The following MYRIP variants were observed in gnomAD, a reference collection of about 807,000 sequenced individuals.
The protein encoded by MYRIP is rab effector MyRIP.
Under a neutral mutation model 98.0 loss-of-function variants are expected in MYRIP, and 49 were observed. That is an observed-to-expected ratio of 0.50 (90% CI 0.40 to 0.63). The LOEUF is 0.63. MYRIP is among the 30% of genes least tolerant of loss of function. The probability of loss-of-function intolerance (pLI) is 0.00; values close to 1 mark genes in which losing one functional copy is unlikely to be tolerated. For synonymous variants in MYRIP, 404 were observed against 409.5 expected, an observed-to-expected ratio of 0.99 and a Z score of 0.16; for missense variants, 1,004 against 1,058.2, an observed-to-expected ratio of 0.95 and a Z score of 0.71.
chr3:40,026,059 G>T (rs1947119786), intron 2 of MYRIP, among the ~76,000 whole-genome samples: 1 of 152,032 alleles, frequency 6.6e-6, no homozygotes, highest in African/African-American at 2.4e-5. Context: ...AAACCTGACG[G>T]TAATGCAGGA....
intron 2 of MYRIP, among the ~76,000 whole-genome samples, chr3:39,934,721 G>C (rs1028539566): frequency 2.0e-5 from 3 of 152,290 alleles, no homozygotes; most frequent in Admixed American, 1.3e-4. Context: ...AAAAGTTAAT[G>C]TTTTTGTAGA....
intron 3 of MYRIP, among the ~76,000 whole-genome samples, chr3:40,083,807 A>G (rs1264667098): frequency 1.3e-5 from 2 of 152,042 alleles, no homozygotes; most frequent in Non-Finnish European, 2.9e-5. Context: ...TGAATTCCTT[A>G]TCTGGGGAAA....
intron 2 of MYRIP, among the ~76,000 whole-genome samples, chr3:40,014,461 T>G (rs866435203): frequency 6.6e-6 from 1 of 152,204 alleles, no homozygotes; most frequent in Non-Finnish European, 1.5e-5. Flanking sequence ...TGAGAACAAT[T>G]ACCCCCATTA....
chr3:39,933,828 T>G (rs1216105590), intron 2 of MYRIP, among the ~76,000 whole-genome samples: 1 of 152,214 alleles, frequency 6.6e-6, no homozygotes, highest in Non-Finnish European at 1.5e-5. Context: ...TCTTTTATAT[T>G]TTTTATAGAT....
At chr3:39,912,140 C>T (rs1424476462) in intron 2 of MYRIP, among the ~76,000 whole-genome samples, 2 of 152,146 alleles carry the variant, frequency 1.3e-5, no homozygotes, top group African/African-American at 4.8e-5. Flanking sequence ...GACTTACAGG[C>T]TCCCATTTTG....
intron 11 of MYRIP, among the ~76,000 whole-genome samples, chr3:40,221,113 TAATTG>T (rs1449271726): frequency 6.6e-6 from 1 of 151,198 alleles, no homozygotes; most frequent in Non-Finnish European, 1.5e-5. Context: ...TATTCAACTT[TAATTG>T]TATTACAATT....
At chr3:40,064,848 A>G (rs1948094138) in intron 3 of MYRIP, among the ~76,000 whole-genome samples, 1 of 152,202 alleles carries the variant, frequency 6.6e-6, no homozygotes, top group African/African-American at 2.4e-5. Flanking sequence ...AAGCGATGGG[A>G]AACCATAGTG....
intron 2 of MYRIP, among the ~76,000 whole-genome samples, chr3:39,981,499 A>G (rs1373121249): frequency 6.6e-6 from 1 of 152,172 alleles, no homozygotes; most frequent in Non-Finnish European, 1.5e-5. Flanking sequence ...TCCATTATAC[A>G]GCAAATATGG....
At chr3:40,057,308 G>A (rs973585171) in intron 3 of MYRIP, among the ~76,000 whole-genome samples, 10 of 152,178 alleles carry the variant, frequency 6.6e-5, no homozygotes, top group African/African-American at 2.2e-4. Context: ...CCCTCAGCCT[G>A]ACTCATCAAA....
chr3:39,863,293 G>C (rs112257916), intron 1 of MYRIP, among the ~76,000 whole-genome samples: 83 of 151,654 alleles, frequency 5.5e-4, no homozygotes, highest in Non-Finnish European at 5.7e-4. Flanking sequence ...AAGACAAGAC[G>C]TTAACAAAAT....
intron 10 of MYRIP, among the ~76,000 whole-genome samples, chr3:40,195,361 C>T (rs1293679036): frequency 4.6e-5 from 7 of 152,138 alleles, no homozygotes; most frequent in East Asian, 3.8e-4. Context: ...AGTGGCACAA[C>T]GGCTCACTGC....
Position 39,930,336 on chromosome 3 carries a change from G to A in MYRIP, c.110+29410G>A, listed in dbSNP as rs77651784. Among the ~76,000 whole-genome samples, 285 of 151,886 alleles carry A rather than the reference G, an allele frequency of 1.9e-3. 2 individuals are homozygous for A. Among genetic ancestry groups the A allele is most frequent in the African/African-American group, 6.4e-3 (267 of 41,478 alleles). On this transcript the variant is annotated intron_variant, in intron 2 of 16. Coordinates refer to ENST00000302541, the MANE Select transcript of MYRIP (RefSeq NM_015460.4). ...TCCCACAGGCTTATTGGCCATTTGT[G>A]TATCTTTTTTAGAGAAATGTCTGTT...
At chr3:39,967,061 T>C (rs758353958) in intron 2 of MYRIP, among the ~76,000 whole-genome samples, 1 of 152,232 alleles carries the variant, frequency 6.6e-6, no homozygotes. Flanking sequence ...CATAGTTATC[T>C]GGCAGGGTTA....
chr3:39,967,107 T>A (rs1464932258), intron 2 of MYRIP, among the ~76,000 whole-genome samples: 1 of 152,234 alleles, frequency 6.6e-6, no homozygotes, highest in Non-Finnish European at 1.5e-5. Flanking sequence ...TGTAAATTAC[T>A]CTTTTTTTAA....
intron 16 of MYRIP, among the ~76,000 whole-genome samples, chr3:40,253,676 C>G (rs1212456732): frequency 2.0e-5 from 3 of 152,180 alleles, no homozygotes; most frequent in Non-Finnish European, 4.4e-5. Context: ...GCAGCGCAAT[C>G]CCATTCTAGA....
chr3:39,997,769 G>C (rs142300415), intron 2 of MYRIP, among the ~76,000 whole-genome samples: 2,336 of 152,002 alleles, frequency 0.015, 52 homozygotes, highest in African/African-American at 0.052. Flanking sequence ...AATGAACATC[G>C]ATGCAAAAAT....
intron 3 of MYRIP, among the ~76,000 whole-genome samples, chr3:40,131,253 A>T (rs973205536): frequency 6.6e-6 from 1 of 152,164 alleles, no homozygotes; most frequent in Admixed American, 6.5e-5. Context: ...TAGTGTTTTA[A>T]TTCTTATTTT....
Position 39,957,832 on chromosome 3 carries a change from C to T in MYRIP, c.110+56906C>T, listed in dbSNP as rs943906361. Among the ~76,000 whole-genome samples, 6 of 152,316 alleles carry T rather than the reference C, an allele frequency of 3.9e-5. No individual in the cohort carries two copies. The East Asian group carries it at 1.2e-3, about 29-fold the overall frequency. On this transcript the variant is annotated intron_variant, in intron 2 of 16. Transcript: ENST00000302541. ...AGCTGATAAGCAACTTCAGCAAAGT[C>T]TCAGGATACAAAATCAATGTGCAAC...
chr3:40,087,959 G>T (rs999078792), intron 3 of MYRIP, among the ~76,000 whole-genome samples: 1 of 152,162 alleles, frequency 6.6e-6, no homozygotes, highest in Admixed American at 6.5e-5. Flanking sequence ...AGTGGGGACA[G>T]ACAGGAGACC....
Sources: gnomAD v4.1 joint callset for allele counts (sites outside exome capture counted in the v4.1 genomes callset) on GRCh38, gnomAD v4.1.1 for gene constraint, MANE v1.5 for transcripts, NCBI Gene and HGNC (gene_info 2026-07-23, HGNC 2026-07-21) for gene names.